LYPLA1: variants seen among roughly 807,000 people sequenced by gnomAD.
LYPLA1 encodes the protein acyl-protein thioesterase 1.
LYPLA1 carries 17 observed loss-of-function variants against 34.0 expected under a neutral mutation model. That is an observed-to-expected ratio of 0.50 (90% CI 0.34 to 0.75). The LOEUF is 0.75. LYPLA1 is among the 30% of genes least tolerant of loss of function. The pLI is 0.01. For missense variants in LYPLA1, 203 were observed against 288.8 expected, an observed-to-expected ratio of 0.70 and a Z score of 2.15; for synonymous variants, 98 against 100.8, an observed-to-expected ratio of 0.97 and a Z score of 0.17.
intron 2 of LYPLA1, among the ~76,000 whole-genome samples, chr8:54,076,559 CA>C (rs1807920871): frequency 6.6e-6 from 1 of 152,158 alleles, no homozygotes; most frequent in African/African-American, 2.4e-5. Context: ...AAACTGGCCC[CA>C]AAACTGGCTA....
chr8:54,062,673 G>A (rs528346849), intron 4 of LYPLA1, among the ~76,000 whole-genome samples: 83 of 151,962 alleles, frequency 5.5e-4, no homozygotes, highest in Non-Finnish European at 1.1e-3. Context: ...CACCACACCC[G>A]GCTAATTTTT....
intron 2 of LYPLA1, among the ~76,000 whole-genome samples, chr8:54,097,468 TG>T (rs1479058099): frequency 7.2e-5 from 11 of 152,206 alleles, no homozygotes; most frequent in African/African-American, 2.7e-4. Flanking sequence ...CTAAATATAA[TG>T]TATGACTAGG....
chr8:54,080,170 G>A (rs1446368677), intron 2 of LYPLA1, among the ~76,000 whole-genome samples: 7 of 151,964 alleles, frequency 4.6e-5, no homozygotes, highest in African/African-American at 7.3e-5. Flanking sequence ...TGGATCACTT[G>A]ACCTTAGGAG....
At chr8:54,061,253 T>A (rs1333367486) in intron 5 of LYPLA1, among the ~76,000 whole-genome samples, 2 of 150,556 alleles carry the variant, frequency 1.3e-5, no homozygotes, top group African/African-American at 2.4e-5. Flanking sequence ...GCTAATTTTT[T>A]AATTTTTAGT....
rs137856752 is a variant in LYPLA1, at chr8:54,052,986, C to A, written c.361-230G>T. 1,978 of 455,980 alleles carry A rather than the reference C, an allele frequency of 4.3e-3. 26 individuals carry two copies. Among genetic ancestry groups the A allele is most frequent in the South Asian group, 8.0e-3 (144 of 17,944 alleles). The allele number at this position is 455,980 out of a possible 1,614,324, so 28.2% of individuals were successfully genotyped here. On this transcript the variant is annotated intron_variant, in intron 6 of 8. Coordinates refer to ENST00000316963, the MANE Select transcript of LYPLA1 (RefSeq NM_006330.4). Reference sequence around the variant, plus strand: ...CTTTCCGACGAGACATAGTTTGTACCATGGGAAACTGCTGCACTTACAACA... The same window carrying A: ...CTTTCCGACGAGACATAGTTTGTACAATGGGAAACTGCTGCACTTACAACA...
intron 2 of LYPLA1, among the ~76,000 whole-genome samples, chr8:54,082,271 G>A (rs1047285033): frequency 1.3e-5 from 2 of 152,118 alleles, no homozygotes; most frequent in Non-Finnish European, 2.9e-5. Context: ...GTAAGACAGA[G>A]GACAGGTTTT....
At chr8:54,084,124 G>GAAAAAAAAAAAAAAAAAAAAAA (rs201545035) in intron 2 of LYPLA1, among the ~76,000 whole-genome samples, 2 of 56,382 alleles carry the variant, frequency 3.5e-5, no homozygotes, top group African/African-American at 1.8e-4. Context: ...GGAGACCAAA[G>GAAAAAAAAAAAAAAAAAAAAAA]AAAAAAAAAA....
chr8:54,092,182 CAG>C (rs1430166234), intron 2 of LYPLA1, among the ~76,000 whole-genome samples: 2 of 143,564 alleles, frequency 1.4e-5, no homozygotes, highest in African/African-American at 2.6e-5. Flanking sequence ...CTGTCGAAGT[CAG>C]GGGGAGGAGG....
chr8:54,091,140 G>A (rs1563661664), intron 2 of LYPLA1, among the ~76,000 whole-genome samples: 1 of 152,098 alleles, frequency 6.6e-6, no homozygotes, highest in Non-Finnish European at 1.5e-5. Context: ...GAAGTGATAG[G>A]ATTACAGGTG....
rs528560067 is a variant in LYPLA1, at chr8:54,061,849, GTTTGTT to G, written c.286+399_286+404del. 1.2e-4 allele frequency among the ~76,000 whole-genome samples: 18 copies of G among 152,032 alleles called. No individual in the cohort carries two copies. The South Asian group carries it at 2.7e-3, about 23-fold the overall frequency. ...GATTAGATAAATGTGGTTTTTTTTG[GTTTGTT>G]TTTGTTTTTGTTTTTCTGAGATGAA... On this transcript the variant is annotated intron_variant, in intron 5 of 8. Coordinates refer to ENST00000316963, the MANE Select transcript of LYPLA1 (RefSeq NM_006330.4).
At chr8:54,061,020 T>C (rs994025541) in intron 5 of LYPLA1, among the ~76,000 whole-genome samples, 13 of 151,750 alleles carry the variant, frequency 8.6e-5, no homozygotes, top group Non-Finnish European at 1.6e-4. Context: ...CTTATCATTA[T>C]ACTCATTATA....
At chr8:54,088,324 A>C (rs1808954706) in intron 2 of LYPLA1, among the ~76,000 whole-genome samples, 1 of 152,190 alleles carries the variant, frequency 6.6e-6, no homozygotes, top group Non-Finnish European at 1.5e-5. Context: ...TTAAAGAGGG[A>C]CCTCTATTTT....
At chr8:54,044,689 C>A (rs1305492666), downstream of LYPLA1, 1 of 152,114 alleles carries the variant, frequency 6.6e-6, no homozygotes, top group African/African-American at 2.4e-5. Flanking sequence ...GTAATCCCAG[C>A]ACTTTGGGAA....
chr8:54,079,381 G>A (rs1267388172), intron 2 of LYPLA1, among the ~76,000 whole-genome samples: 1 of 152,112 alleles, frequency 6.6e-6, no homozygotes, highest in African/African-American at 2.4e-5. Flanking sequence ...ATATTTTGCA[G>A]CAATAATAAA....
chr8:54,067,765 G>A (rs1270282376), intron 2 of LYPLA1, among the ~76,000 whole-genome samples: 1 of 148,500 alleles, frequency 6.7e-6, no homozygotes, highest in African/African-American at 2.5e-5. Flanking sequence ...GCGCGATCTC[G>A]GCTCACTGCA....
chr8:54,076,262 C>T (rs976469888), intron 2 of LYPLA1, among the ~76,000 whole-genome samples: 3 of 151,316 alleles, frequency 2.0e-5, no homozygotes, highest in African/African-American at 7.4e-5. Flanking sequence ...TTAAAGCATC[C>T]CAGGCACACC....
chr8:54,072,338 T>C (rs957934243), intron 2 of LYPLA1, among the ~76,000 whole-genome samples: 3 of 152,164 alleles, frequency 2.0e-5, no homozygotes, highest in Non-Finnish European at 4.4e-5. Context: ...TAAGATTTCA[T>C]GGTGAAGACG....
intron 2 of LYPLA1, among the ~76,000 whole-genome samples, chr8:54,080,758 T>C (rs762512386): frequency 2.3e-4 from 35 of 152,130 alleles, no homozygotes; most frequent in Non-Finnish European, 2.4e-4. Flanking sequence ...CAACTAATTT[T>C]TTTATTTTTA....
rs1367172181 is a variant in LYPLA1 at position 54,084,056 on chromosome 8, T to C, written c.101+16852A>G. The stretch of plus-strand genomic sequence containing the variant: ...GGGAGGCTGAGGCAGAGGAATCACT[T>C]GAACCTCGGAAGCAGAGGTTGCAGT... On this transcript the variant is annotated intron_variant, in intron 2 of 8. Coordinates refer to ENST00000316963, the MANE Select transcript of LYPLA1 (RefSeq NM_006330.4). Among the ~76,000 whole-genome samples, 3 of 150,174 alleles carry C rather than the reference T, an allele frequency of 2.0e-5. No homozygotes were observed. The East Asian group carries it at 5.8e-4, about 29-fold the overall frequency.
Sources: gnomAD v4.1 joint callset for allele counts (sites outside exome capture counted in the v4.1 genomes callset) on GRCh38, gnomAD v4.1.1 for gene constraint, MANE v1.5 for transcripts, NCBI Gene and HGNC (gene_info 2026-07-23, HGNC 2026-07-21) for gene names.